The following SHANK2 variants were observed in gnomAD, a reference collection of about 807,000 sequenced individuals.
The protein encoded by SHANK2 is SH3 and multiple ankyrin repeat domains protein 2.
In SHANK2, 43 loss-of-function variants were observed where a neutral mutation model predicts 133.7. That is an observed-to-expected ratio of 0.32 (90% CI 0.25 to 0.41). SHANK2 has a LOEUF of 0.41. Among genes scored for constraint, SHANK2 ranks in the 10% least tolerant of loss-of-function variants. The probability of loss-of-function intolerance (pLI) is 1.00; values close to 1 mark genes in which losing one functional copy is unlikely to be tolerated. For missense variants in SHANK2, 1,994 were observed against 2,235.8 expected, an observed-to-expected ratio of 0.89 and a Z score of 2.18; for synonymous variants, 1,017 against 952.8, an observed-to-expected ratio of 1.07 and a Z score of -1.24.
chr11:70,767,385 A>C (rs1947144409), intron 14 of SHANK2, among the ~76,000 whole-genome samples: 1 of 152,238 alleles, frequency 6.6e-6, no homozygotes, highest in South Asian at 2.1e-4. Context: ...AAAACAGGTA[A>C]GCATATCCTT....
intron 2 of SHANK2, among the ~76,000 whole-genome samples, chr11:71,221,513 A>T (rs1327925999): frequency 6.6e-6 from 1 of 152,196 alleles, no homozygotes; most frequent in Non-Finnish European, 1.5e-5. Flanking sequence ...GTCATTAATC[A>T]TTAGGGGGTG....
chr11:70,927,711 T>G (rs548217987), intron 10 of SHANK2, among the ~76,000 whole-genome samples: 1 of 152,268 alleles, frequency 6.6e-6, no homozygotes, highest in South Asian at 2.1e-4. Flanking sequence ...AGTAAACTGT[T>G]ATTTCTGGGT....
chr11:70,921,577 G>A (rs1027376895), intron 10 of SHANK2, among the ~76,000 whole-genome samples: 3 of 152,234 alleles, frequency 2.0e-5, no homozygotes, highest in Admixed American at 6.5e-5. Flanking sequence ...GGAGCAGAAG[G>A]TGAAAAAGCG....
chr11:70,708,270 C>T (rs1195774603), intron 14 of SHANK2, among the ~76,000 whole-genome samples: 2 of 152,062 alleles, frequency 1.3e-5, no homozygotes, highest in South Asian at 2.1e-4. Flanking sequence ...GGTCCTGGCT[C>T]GGTGGCCCAT....
Position 71,168,064 on chromosome 11 carries a change from C to G in SHANK2, c.-12-20726G>C, listed in dbSNP as rs1392882606. Among the ~76,000 whole-genome samples, 60 of 142,400 alleles carry G rather than the reference C, an allele frequency of 4.2e-4. 1 individual carries two copies. The highest frequency in any genetic ancestry group is 7.9e-4 in the Non-Finnish European group (51 of 64,626). 93.4% of individuals were successfully genotyped at this position (142,400 alleles called of 152,430 possible). A position where few individuals can be genotyped will look rare whatever the true frequency, so the allele number is the denominator to read the frequency against. On this transcript the variant is annotated intron_variant, in intron 2 of 25. Coordinates refer to ENST00000601538, the MANE Select transcript of SHANK2 (RefSeq NM_012309.5). ...CCAGGCGGAGGGGCTCCTCACTTCT[C>G]AGACGGGGCGGTTGCCGGGCGGAGG... is the stretch of plus-strand genomic sequence containing the variant.
At chr11:70,895,519 G>A (rs1949920278) in intron 11 of SHANK2, 1 of 152,588 alleles carries the variant, frequency 6.6e-6, no homozygotes, top group African/African-American at 2.4e-5. Context: ...AGGGCGATGG[G>A]AGAGAGGAGG....
chr11:71,209,886 A>C (rs1954218218), intron 2 of SHANK2, among the ~76,000 whole-genome samples: 1 of 151,976 alleles, frequency 6.6e-6, no homozygotes, highest in Non-Finnish European at 1.5e-5. Flanking sequence ...GGACAGCAGG[A>C]CGTGTCCATT....
chr11:70,612,327 C>T (rs991407347), intron 17 of SHANK2, among the ~76,000 whole-genome samples: 2 of 152,178 alleles, frequency 1.3e-5, no homozygotes, highest in African/African-American at 4.8e-5. Context: ...CCATCTCTGA[C>T]AGAGGCAAGA....
At chr11:70,860,794 C>A (rs1466978402) in intron 11 of SHANK2, among the ~76,000 whole-genome samples, 1 of 152,174 alleles carries the variant, frequency 6.6e-6, no homozygotes, top group Non-Finnish European at 1.5e-5. Context: ...GTGGGAGGAT[C>A]ACTTGGGCCC....
intron 1 of SHANK2, among the ~76,000 whole-genome samples, chr11:71,234,976 C>G (rs1390914083): frequency 2.0e-5 from 3 of 152,114 alleles, no homozygotes; most frequent in Non-Finnish European, 4.4e-5. Flanking sequence ...CATGAGCTAC[C>G]GTACAACGGA....
At chr11:70,678,210 G>A (rs1413728178) in intron 15 of SHANK2, among the ~76,000 whole-genome samples, 1 of 152,136 alleles carries the variant, frequency 6.6e-6, no homozygotes, top group Admixed American at 6.5e-5. Flanking sequence ...GCAGTGGCAC[G>A]ATCTTGGCTC....
chr11:71,224,061 C>T (rs1012920699), intron 2 of SHANK2, among the ~76,000 whole-genome samples: 3 of 152,250 alleles, frequency 2.0e-5, no homozygotes, highest in East Asian at 1.9e-4. Flanking sequence ...TCAATACCCA[C>T]GTGACCGTGA....
At chr11:70,784,199 C>G (rs1302989348) in intron 14 of SHANK2, among the ~76,000 whole-genome samples, 1 of 150,584 alleles carries the variant, frequency 6.6e-6, no homozygotes, top group Admixed American at 6.6e-5. Flanking sequence ...TTTTTTGAGA[C>G]AGAGTCTCGT....
intron 2 of SHANK2, among the ~76,000 whole-genome samples, chr11:71,172,308 T>G (rs1394611899): frequency 2.6e-5 from 4 of 152,060 alleles, no homozygotes; most frequent in Admixed American, 2.0e-4. Flanking sequence ...TCTTGTTACT[T>G]TATTTACTTA....
intron 11 of SHANK2, among the ~76,000 whole-genome samples, chr11:70,868,870 G>A (rs1440778476): frequency 2.6e-5 from 4 of 152,314 alleles, no homozygotes; most frequent in East Asian, 3.9e-4. Flanking sequence ...GGGGGAGGGC[G>A]TCCTGCAGTT....
chr11:70,794,648 C>G (rs1947869709), intron 14 of SHANK2, among the ~76,000 whole-genome samples: 1 of 152,200 alleles, frequency 6.6e-6, no homozygotes, highest in South Asian at 2.1e-4. Context: ...ACCTCCACCT[C>G]CCAGGTTCAA....
At chr11:70,527,858 G>A (rs955313064) in intron 17 of SHANK2, among the ~76,000 whole-genome samples, 1 of 152,234 alleles carries the variant, frequency 6.6e-6, no homozygotes, top group Admixed American at 6.5e-5. Flanking sequence ...AGGAGGCTGC[G>A]GAGGCAGCCA....
chr11:70,748,950 A>G (rs968855935), intron 14 of SHANK2, among the ~76,000 whole-genome samples: 1 of 152,188 alleles, frequency 6.6e-6, no homozygotes, highest in African/African-American at 2.4e-5. Context: ...CACTGACAGC[A>G]ATCAGAACAC....
At chr11:70,751,705 T>C (rs1565291493) in intron 14 of SHANK2, among the ~76,000 whole-genome samples, 1 of 152,214 alleles carries the variant, frequency 6.6e-6, no homozygotes, top group Non-Finnish European at 1.5e-5. Context: ...GTGGGTTTAA[T>C]ACACGTGATA....
Sources: gnomAD v4.1 joint callset for allele counts (sites outside exome capture counted in the v4.1 genomes callset) on GRCh38, gnomAD v4.1.1 for gene constraint, MANE v1.5 for transcripts, NCBI Gene and HGNC (gene_info 2026-07-23, HGNC 2026-07-21) for gene names.